Variants in DAG1 observed in about 807,000 individuals in gnomAD.
DAG1 encodes the protein dystroglycan 1, also known as dystroglycan 1 (dystrophin-associated glycoprotein 1).
A neutral mutation model predicts 46.1 loss-of-function variants in DAG1; 8 were observed. That is an observed-to-expected ratio of 0.17 (90% CI 0.10 to 0.31). The LOEUF (loss-of-function observed/expected upper bound fraction) is 0.31. Among genes scored for constraint, DAG1 ranks in the 10% least tolerant of loss-of-function variants. DAG1 has a pLI of 1.00. For synonymous variants in DAG1, 495 were observed against 481.8 expected, an observed-to-expected ratio of 1.03 and a Z score of -0.36; for missense variants, 1,003 against 1,189.9, an observed-to-expected ratio of 0.84 and a Z score of 2.31.
At chr3:49,472,270 G>A (rs1396379450) in intron 1 of DAG1, among the ~76,000 whole-genome samples, 2 of 152,094 alleles carry the variant, frequency 1.3e-5, no homozygotes, top group Non-Finnish European at 2.9e-5. Flanking sequence ...AGAAAAGAGA[G>A]ACTGAAAAGG....
Position 49,533,074 on chromosome 3 carries a change from G to A in DAG1, c.2563G>A (p.Asp855Asn), listed in dbSNP as rs764277997. Reference sequence around the variant, plus strand: ...CATGGGAGAGTACACGCCCCTGCGGGATGAGGATCCCAATGCGCCTCCCTA... The same window carrying A: ...CATGGGAGAGTACACGCCCCTGCGGAATGAGGATCCCAATGCGCCTCCCTA... ...DTMGEYTPLR[D>N]EDPNAPPYQP... is the part of the protein sequence containing the mutation. Residue 855 changes from aspartate to asparagine, a missense_variant, in exon 3 of 3, where the codon GAT (aspartate) becomes AAT (asparagine). Coordinates refer to ENST00000308775, the MANE Select transcript of DAG1 (RefSeq NM_004393.6). 1 of 1,614,154 alleles carries A rather than the reference G, an allele frequency of 6.2e-7. No individual in the cohort carries two copies. The highest frequency in any genetic ancestry group is 1.7e-5 in the Admixed American group (1 of 60,024).
At chr3:49,521,572 C>T (rs2051028515) in intron 2 of DAG1, among the ~76,000 whole-genome samples, 1 of 151,894 alleles carries the variant, frequency 6.6e-6, no homozygotes, top group South Asian at 2.1e-4. Flanking sequence ...GCAGGCTTCC[C>T]ACCTCAGCCT....
At chr3:49,525,516 C>T (rs1022624644) in intron 2 of DAG1, among the ~76,000 whole-genome samples, 17 of 151,262 alleles carry the variant, frequency 1.1e-4, no homozygotes, top group African/African-American at 2.9e-4. Flanking sequence ...GCGCTTCACA[C>T]GGCTGGCCGG....
chr3:49,498,657 A>T (rs1235008046), intron 1 of DAG1, among the ~76,000 whole-genome samples: 1 of 151,714 alleles, frequency 6.6e-6, no homozygotes, highest in East Asian at 1.9e-4. Flanking sequence ...ATGGTATTTT[A>T]TTATTTTAAT....
intron 2 of DAG1, among the ~76,000 whole-genome samples, chr3:49,519,200 A>G (rs936828972): frequency 4.6e-5 from 7 of 152,178 alleles, no homozygotes; most frequent in Non-Finnish European, 1.0e-4. Flanking sequence ...ATTATATGCC[A>G]GGAGATGTTC....
intron 1 of DAG1, among the ~76,000 whole-genome samples, chr3:49,479,061 C>T (rs552399067): frequency 2.6e-5 from 4 of 152,016 alleles, no homozygotes; most frequent in Admixed American, 2.6e-4. Flanking sequence ...CCCACCTCAG[C>T]CTCCCAAAGT....
At position 49,530,829 on chromosome 3, in the gene DAG1, T is replaced by C. The variant is rs1180942537; in HGVS notation, c.318T>C (p.Ser106=). ...VSAAGKEALP[S]WLHWDSQSHT... Reference sequence around the variant, plus strand: ...CGGCAGGGAAGGAGGCTTTGCCATCTTGGCTGCACTGGGACTCACAGAGCC... The same window carrying C: ...CGGCAGGGAAGGAGGCTTTGCCATCCTGGCTGCACTGGGACTCACAGAGCC... The change falls in exon 3 of 3, where the codon TCT becomes TCC. Residue 106 remains serine, a synonymous_variant. Coordinates refer to ENST00000308775, the MANE Select transcript of DAG1 (RefSeq NM_004393.6). 6 of 1,614,124 alleles carry C rather than the reference T, an allele frequency of 3.7e-6. No homozygotes were observed. The highest frequency in any genetic ancestry group is 5.1e-6 in the Non-Finnish European group (6 of 1,180,046).
intron 2 of DAG1, among the ~76,000 whole-genome samples, chr3:49,515,383 GTGT>G (rs1325384763): frequency 1.6e-5 from 2 of 127,434 alleles, no homozygotes; most frequent in African/African-American, 3.0e-5. Context: ...TAATATTCTT[GTGT>G]TGTTTTTTTT....
intron 1 of DAG1, among the ~76,000 whole-genome samples, chr3:49,494,126 G>A (rs2050252945): frequency 6.6e-6 from 1 of 152,188 alleles, no homozygotes; most frequent in East Asian, 1.9e-4. Context: ...TATAAACACA[G>A]TGTGTTGATA....
At chr3:49,509,353 C>T (rs912641025) in intron 1 of DAG1, among the ~76,000 whole-genome samples, 1 of 152,132 alleles carries the variant, frequency 6.6e-6, no homozygotes, top group African/African-American at 2.4e-5. Context: ...TTCAAGGTTA[C>T]ATTGAGCTAT....
chr3:49,515,275 T>C (rs567487319), intron 2 of DAG1, among the ~76,000 whole-genome samples: 1,734 of 151,956 alleles, frequency 0.011, 31 homozygotes, highest in African/African-American at 0.04. Context: ...GGGCCTATTT[T>C]TTTTTTTTTT....
At position 49,533,051 on chromosome 3, in the gene DAG1, T is replaced by A. The variant is rs1218884146; in HGVS notation, c.2540T>A (p.Met847Lys). The A allele has an allele frequency of 6.2e-7, 1 of 1,613,916 alleles. No homozygotes were observed. Among genetic ancestry groups the A allele is most frequent in the Non-Finnish European group, 8.5e-7 (1 of 1,180,000 alleles). ...PETTPLNQDT[M>K]GEYTPLRDED... is the part of the protein sequence containing the mutation. ...ACCACTCCTCTGAACCAGGACACCA[T>A]GGGAGAGTACACGCCCCTGCGGGAT... Residue 847 changes from methionine to lysine, a missense_variant, in exon 3 of 3, where the codon ATG (methionine) becomes AAG (lysine). Physicochemically the swap from Met to Lys is moderately conservative, Grantham distance 95. Transcript: ENST00000308775.
intron 2 of DAG1, among the ~76,000 whole-genome samples, chr3:49,524,409 C>G (rs928922177): frequency 2.0e-5 from 3 of 152,202 alleles, no homozygotes; most frequent in African/African-American, 7.2e-5. Flanking sequence ...GGCACGGTGG[C>G]TCACACCTGT....
chr3:49,503,544 A>G (rs2050515070), intron 1 of DAG1, among the ~76,000 whole-genome samples: 1 of 152,178 alleles, frequency 6.6e-6, no homozygotes, highest in Non-Finnish European at 1.5e-5. Flanking sequence ...GTCATTAAAA[A>G]TTATTGGCCA....
rs2107924634 is a variant in DAG1 at position 49,530,970 on chromosome 3, C to T, written c.459C>T (p.Ser153=). 2 of 1,614,176 alleles carry T rather than the reference C, an allele frequency of 1.2e-6. No homozygotes were observed. The highest frequency in any genetic ancestry group is 1.7e-6 in the Non-Finnish European group (2 of 1,180,044). Reference sequence around the variant, plus strand: ...TCCCCCAGACCTCCAGTGTGTTCTCCATCGAGGTCTACCCTGAAGACCACA... The same window carrying T: ...TCCCCCAGACCTCCAGTGTGTTCTCTATCGAGGTCTACCCTGAAGACCACA... ...SHIPQTSSVF[S]IEVYPEDHSE... The change falls in exon 3 of 3, where the codon TCC becomes TCT. Residue 153 remains serine (S), a synonymous_variant. Coordinates refer to ENST00000308775, the MANE Select transcript of DAG1 (RefSeq NM_004393.6).
chr3:49,473,875 C>T (rs1434976543), intron 1 of DAG1, among the ~76,000 whole-genome samples: 3 of 148,086 alleles, frequency 2.0e-5, no homozygotes, highest in African/African-American at 5.0e-5. Flanking sequence ...TGAGCCACTG[C>T]GCCTGGCCTT....
At chr3:49,470,651 G>C (rs2049490929) in intron 1 of DAG1, 1 of 152,220 alleles carries the variant, frequency 6.6e-6, no homozygotes, top group African/African-American at 2.4e-5. Context: ...GCGTTCGGCT[G>C]CAAGGCCCGG....
Position 49,531,972 on chromosome 3 carries a change from G to GC in DAG1, c.1465dup (p.Arg489ProfsTer16). 6.2e-7 allele frequency: 1 copy of GC among 1,614,208 alleles called. No individual in the cohort carries two copies. Among genetic ancestry groups the GC allele is most frequent in the Non-Finnish European group, 8.5e-7 (1 of 1,180,040 alleles). Reference sequence around the variant, plus strand: ...GTATTCGCACCACCACCAGTGGAGTGCCCCGTGGCGGAGAACCCAACCAGC... The same window carrying GC: ...GTATTCGCACCACCACCAGTGGAGTGCCCCCGTGGCGGAGAACCCAACCAGC... On this transcript the variant is annotated frameshift_variant, in exon 3 of 3. Transcript: ENST00000308775. LOFTEE classifies it high-confidence loss of function. The surrounding 1 kb of genome is among the most constrained non-coding windows in gnomAD (Gnocchi z 7.0).
chr3:49,473,719 A>G (rs1395230656), intron 1 of DAG1, among the ~76,000 whole-genome samples: 1 of 151,248 alleles, frequency 6.6e-6, no homozygotes, highest in Non-Finnish European at 1.5e-5. Context: ...AGTAGCTGGG[A>G]TCACAGGCAC....
Sources: gnomAD v4.1 joint callset for allele counts (sites outside exome capture counted in the v4.1 genomes callset) on GRCh38, gnomAD v4.1.1 for gene constraint, Gnocchi (gnomAD v3.1) non-coding constraint, MANE v1.5 for transcripts, NCBI Gene and HGNC (gene_info 2026-07-23, HGNC 2026-07-21) for gene names.